Variants in SPATA17 observed in about 807,000 individuals in gnomAD.
The protein encoded by SPATA17 is spermatogenesis-associated protein 17.
In SPATA17, 53 loss-of-function variants were observed where a neutral mutation model predicts 62.2. The observed-to-expected ratio is 0.85, with a 90% CI of 0.68 to 1.07. SPATA17 has a LOEUF of 1.07. SPATA17 is among the 50% of genes least tolerant of loss of function. The pLI is 0.00. For synonymous variants in SPATA17, 146 were observed against 146.8 expected (o/e 0.99, Z 0.04); for missense variants, 466 against 425.5 (o/e 1.10, Z -0.84).
chr1:217,696,219 G>C (rs1671454241), intron 5 of SPATA17, among the ~76,000 whole-genome samples: 1 of 152,226 alleles, frequency 6.6e-6, no homozygotes, highest in Non-Finnish European at 1.5e-5. Context: ...AAGCTGGTCT[G>C]AAAAGCGCAA....
At chr1:217,677,899 G>A (rs114254605) in intron 4 of SPATA17, among the ~76,000 whole-genome samples, 7,673 of 152,160 alleles carry the variant, frequency 0.05, 254 homozygotes, top group Middle Eastern at 0.12. Flanking sequence ...GTGTGAAACT[G>A]TATTTTCATA....
chr1:217,643,504 C>T (rs1293071373), intron 1 of SPATA17, among the ~76,000 whole-genome samples: 1 of 152,052 alleles, frequency 6.6e-6, no homozygotes, highest in African/African-American at 2.4e-5. Flanking sequence ...GACATCTTAC[C>T]CCAGGCAGCC....
chr1:217,740,137 A>G (rs938520425), intron 5 of SPATA17, among the ~76,000 whole-genome samples: 4 of 119,216 alleles, frequency 3.4e-5, no homozygotes, highest in Non-Finnish European at 7.6e-5. Flanking sequence ...TTACCCGTTC[A>G]TATATGTTTT....
intron 6 of SPATA17, among the ~76,000 whole-genome samples, chr1:217,764,330 G>A (rs1410544286): frequency 3.9e-5 from 6 of 152,038 alleles, no homozygotes. Flanking sequence ...TCAGATTGTT[G>A]GAGTCATACA....
intron 6 of SPATA17, among the ~76,000 whole-genome samples, chr1:217,751,981 G>C (rs185717016): frequency 1.3e-5 from 2 of 152,212 alleles, no homozygotes; most frequent in African/African-American, 4.8e-5. Context: ...ACACAATTTT[G>C]GGAATACACC....
chr1:217,825,365 G>T (rs573444080), intron 9 of SPATA17, among the ~76,000 whole-genome samples: 1 of 151,932 alleles, frequency 6.6e-6, no homozygotes, highest in East Asian at 1.9e-4. Context: ...TTATGTGAAT[G>T]TGTAAATCAT....
intron 5 of SPATA17, among the ~76,000 whole-genome samples, chr1:217,732,808 A>G (rs1411491778): frequency 1.3e-5 from 2 of 152,160 alleles, no homozygotes; most frequent in East Asian, 1.9e-4. Flanking sequence ...GTACCATATA[A>G]ATATATTTTA....
chr1:217,713,184 A>G (rs1420019493), intron 5 of SPATA17, among the ~76,000 whole-genome samples: 1 of 152,178 alleles, frequency 6.6e-6, no homozygotes, highest in Non-Finnish European at 1.5e-5. Flanking sequence ...GAAAATAATT[A>G]GCATAGATAA....
chr1:217,762,087 T>C (rs1186541900), intron 6 of SPATA17, among the ~76,000 whole-genome samples: 2 of 152,158 alleles, frequency 1.3e-5, no homozygotes, highest in Non-Finnish European at 2.9e-5. Context: ...GTTTGCTCTT[T>C]TGAGTGCCCT....
rs920410539 is a variant in SPATA17, at chr1:217,704,218, C to G, written c.395+20857C>G. On this transcript the variant is annotated intron_variant, in intron 5 of 10. Transcript: ENST00000366933. ...TAGGTTTTTTTATCCTAACTCTCCT[C>G]CTTCCCTCTACCTTTTTTTTTTTTT... 2.8e-5 allele frequency among the ~76,000 whole-genome samples: 4 copies of G among 142,092 alleles called. No homozygotes were observed. The East Asian group carries it at 8.3e-4, about 29-fold the overall frequency. 93.2% of individuals were successfully genotyped at this position (142,092 alleles called of 152,430 possible).
intron 9 of SPATA17, among the ~76,000 whole-genome samples, chr1:217,823,550 C>G (rs1674919771): frequency 1.3e-5 from 2 of 151,914 alleles, no homozygotes; most frequent in Non-Finnish European, 2.9e-5. Context: ...TAACCACTAC[C>G]CTCACTGGAC....
chr1:217,862,228 T>C (rs1050398553), intron 9 of SPATA17, among the ~76,000 whole-genome samples: 13 of 152,210 alleles, frequency 8.5e-5, no homozygotes, highest in Admixed American at 6.5e-5. Context: ...TTAACATACA[T>C]GAAAAGCATC....
rs751713019 is a variant in SPATA17, at chr1:217,782,166, C to G, written c.724-8C>G. The G allele has an allele frequency of 1.1e-5, 18 of 1,577,524 alleles. No individual in the cohort carries two copies. Among genetic ancestry groups the G allele is most frequent in the South Asian group, 9.4e-5 (8 of 84,704 alleles). ...ATATAAAATATGTTCCTCATCCTGTCTTGTCAGGGGCCCTTCCGAGATATC... is the reference window on the plus strand; with the variant it reads ...ATATAAAATATGTTCCTCATCCTGTGTTGTCAGGGGCCCTTCCGAGATATC... On this transcript the variant is annotated splice_polypyrimidine_tract_variant and splice_region_variant and intron_variant, in intron 7 of 10. Coordinates refer to ENST00000366933, the MANE Select transcript of SPATA17 (RefSeq NM_138796.4).
chr1:217,806,851 C>G (rs1010548720), intron 9 of SPATA17, among the ~76,000 whole-genome samples: 4 of 152,074 alleles, frequency 2.6e-5, no homozygotes, highest in African/African-American at 9.7e-5. Context: ...GAGAGTTAGG[C>G]TTCAATGTGA....
intron 7 of SPATA17, among the ~76,000 whole-genome samples, chr1:217,778,610 A>G (rs1001441637): frequency 2.0e-5 from 3 of 152,182 alleles, no homozygotes; most frequent in African/African-American, 4.8e-5. Flanking sequence ...GTAATTTTGC[A>G]TACAACTTTT....
rs866097145 is a variant in SPATA17, at chr1:217,710,465, A to G, written c.395+27104A>G. 7.9e-5 allele frequency among the ~76,000 whole-genome samples: 12 copies of G among 152,242 alleles called. No individual in the cohort carries two copies. In the South Asian group the frequency reaches 1.2e-3, roughly 16 times the overall value. Reference sequence around the variant, plus strand: ...ATTCCCCCAAGTTTAATGCTTAAATATAGTTGCTGATGGTTACTATCTCAT... The same window carrying G: ...ATTCCCCCAAGTTTAATGCTTAAATGTAGTTGCTGATGGTTACTATCTCAT... On this transcript the variant is annotated intron_variant, in intron 5 of 10. Transcript: ENST00000366933.
chr1:217,667,145 T>A (rs1290091028), intron 3 of SPATA17, among the ~76,000 whole-genome samples: 3 of 150,956 alleles, frequency 2.0e-5, no homozygotes, highest in African/African-American at 7.3e-5. Flanking sequence ...CCTCCCAGGT[T>A]CAAGAGATTC....
At chr1:217,682,896 A>C (rs1671119866) in intron 4 of SPATA17, among the ~76,000 whole-genome samples, 1 of 152,126 alleles carries the variant, frequency 6.6e-6, no homozygotes, top group South Asian at 2.1e-4. Flanking sequence ...ATGAGACCAA[A>C]TACAACCTTA....
At chr1:217,701,260 C>T (rs145253220) in intron 5 of SPATA17, among the ~76,000 whole-genome samples, 1,830 of 151,632 alleles carry the variant, frequency 0.012, 33 homozygotes, top group Middle Eastern at 0.051. Flanking sequence ...AGGCATGAGC[C>T]GCCGCACCTG....
Sources: allele counts gnomAD v4.1 joint callset (sites outside exome capture counted in the v4.1 genomes callset), GRCh38; gene constraint gnomAD v4.1.1; transcripts MANE v1.5; gene names NCBI Gene and HGNC (gene_info 2026-07-23, HGNC 2026-07-21).